Variants in CPLX2 observed in about 807,000 individuals in gnomAD.
CPLX2 encodes complexin-2.
CPLX2 carries 5 observed loss-of-function variants against 16.3 expected under a neutral mutation model. That is an observed-to-expected ratio of 0.31 (90% CI 0.16 to 0.64). The LOEUF is 0.64. Among genes scored for constraint, CPLX2 ranks in the 30% least tolerant of loss-of-function variants. CPLX2 has a pLI of 0.79. For missense variants in CPLX2, 144 were observed against 181.4 expected (o/e 0.79, Z 1.18); for synonymous variants, 89 against 73.2 (o/e 1.22, Z -1.10).
chr5:175,871,443 G>GAGAGAGAA (rs1561790390), upstream of CPLX2: 62 of 93,076 alleles, frequency 6.7e-4, 2 homozygotes, highest in African/African-American at 2.2e-3. Flanking sequence ...CAGAGAGAGA[G>GAGAGAGAA]AGAGAGAGAG....
chr5:175,825,937 CAAAAAAAAAA>C (rs35250246), intron 2 of CPLX2, among the ~76,000 whole-genome samples: 2 of 44,420 alleles, frequency 4.5e-5, no homozygotes, highest in East Asian at 7.0e-4. Flanking sequence ...TGAATAAGTG[CAAAAAAAAAA>C]AAAAAAAAAA....
At chr5:175,869,921 C>T (rs1051122104), upstream of CPLX2, among the ~76,000 whole-genome samples, 51 of 152,296 alleles carry the variant, frequency 3.3e-4, no homozygotes, top group African/African-American at 1.1e-3. Flanking sequence ...CCAATTGTAA[C>T]CAGAGTGCTG....
At chr5:175,851,681 C>T (rs1199050411) in intron 2 of CPLX2, among the ~76,000 whole-genome samples, 2 of 152,222 alleles carry the variant, frequency 1.3e-5, no homozygotes, top group Non-Finnish European at 2.9e-5. Flanking sequence ...AGTCTCAAGA[C>T]CAAGGTAGGC....
intron 2 of CPLX2, among the ~76,000 whole-genome samples, chr5:175,843,441 ATG>A (rs1191961599): frequency 8.2e-5 from 12 of 146,302 alleles, no homozygotes; most frequent in African/African-American, 3.3e-4. Context: ...CCAGGCACAC[ATG>A]TGTGCATGCT....
At chr5:175,816,360 G>T (rs1364052802) in intron 2 of CPLX2, among the ~76,000 whole-genome samples, 1 of 152,154 alleles carries the variant, frequency 6.6e-6, no homozygotes, top group East Asian at 1.9e-4. Context: ...TAGAGGCGGG[G>T]TTTCACCGTG....
intron 1 of CPLX2, 162 bp from the exon 2 acceptor site, chr5:175,878,490 C>T (rs1755465450): frequency 5.2e-6 from 3 of 581,492 alleles, no homozygotes; most frequent in Admixed American, 6.3e-5. Flanking sequence ...CCCAGTAAAT[C>T]GCTCTCTTCC....
intron 2 of CPLX2, among the ~76,000 whole-genome samples, chr5:175,846,392 C>T (rs1260029338): frequency 2.0e-5 from 3 of 152,178 alleles, no homozygotes; most frequent in Admixed American, 6.5e-5. Flanking sequence ...TGACCTTGGG[C>T]AGGTCACTTC....
intron 2 of CPLX2, among the ~76,000 whole-genome samples, chr5:175,848,366 G>C (rs1241061236): frequency 6.6e-6 from 1 of 152,234 alleles, no homozygotes; most frequent in Non-Finnish European, 1.5e-5. Flanking sequence ...GCTGAGTTTT[G>C]TGTAGGAGTA....
At chr5:175,798,622 G>A (rs1199126214) in intron 1 of CPLX2, among the ~76,000 whole-genome samples, 1 of 152,208 alleles carries the variant, frequency 6.6e-6, no homozygotes, top group African/African-American at 2.4e-5. Context: ...TCCTCAGGAT[G>A]TGGACTGAAA....
Position 175,881,195 on chromosome 5 carries a change from A to G in CPLX2, c.*1150A>G, listed in dbSNP as rs1755586655. The G allele has an allele frequency of 6.5e-6, 1 of 153,276 alleles. No homozygotes were observed. Among genetic ancestry groups the G allele is most frequent in the Non-Finnish European group, 1.5e-5 (1 of 68,182 alleles). 9.5% of individuals were successfully genotyped at this position (153,276 alleles called of 1,614,324 possible). A position where few individuals can be genotyped will look rare whatever the true frequency, so the allele number is the denominator to read the frequency against. Reference sequence around the variant, plus strand: ...TCACATGAGGGAGGAAACTGTATCCATGCATGCATGATAATGCGTGGCAGA... The same window carrying G: ...TCACATGAGGGAGGAAACTGTATCCGTGCATGCATGATAATGCGTGGCAGA... On this transcript the variant is annotated 3_prime_UTR_variant, in exon 4 of 4. Coordinates refer to ENST00000393745, the MANE Select transcript of CPLX2 (RefSeq NM_001008220.2).
intron 2 of CPLX2, among the ~76,000 whole-genome samples, chr5:175,822,542 G>A (rs1758533233): frequency 6.6e-6 from 1 of 152,228 alleles, no homozygotes; most frequent in Non-Finnish European, 1.5e-5. Context: ...ACTCAAGATG[G>A]CCTGAAGGGA....
intron 2 of CPLX2, among the ~76,000 whole-genome samples, chr5:175,837,235 G>A (rs1217093989): frequency 6.6e-6 from 1 of 152,184 alleles, no homozygotes; most frequent in African/African-American, 2.4e-5. Flanking sequence ...TAGCTCTGAA[G>A]AAAGGCCTCG....
intron 1 of CPLX2, among the ~76,000 whole-genome samples, chr5:175,800,641 G>A (rs1477530820): frequency 1.3e-5 from 2 of 152,166 alleles, no homozygotes; most frequent in Non-Finnish European, 2.9e-5. Flanking sequence ...GGGCCTAGCT[G>A]AACTGCAATA....
intron 2 of CPLX2, among the ~76,000 whole-genome samples, chr5:175,833,565 G>C (rs1254455309): frequency 1.3e-5 from 2 of 151,864 alleles, no homozygotes; most frequent in Non-Finnish European, 2.9e-5. Flanking sequence ...AAATGGAAAT[G>C]GGGGGGCCTG....
At chr5:175,871,458 A>AGGGAGAGAGAGACAGAGAGG (rs1554122146), upstream of CPLX2, 2 of 79,904 alleles carry the variant, frequency 2.5e-5, 1 homozygote, top group Non-Finnish European at 5.6e-5. Flanking sequence ...AGAGAGAGAG[A>AGGGAGAGAGAGACAGAGAGG]GAGAGAGAGA....
chr5:175,833,773 G>A (rs1281032930), intron 2 of CPLX2, among the ~76,000 whole-genome samples: 2 of 152,118 alleles, frequency 1.3e-5, no homozygotes, highest in African/African-American at 2.4e-5. Flanking sequence ...GACTCTCTCC[G>A]CCCCTTCCTG....
intron 2 of CPLX2, among the ~76,000 whole-genome samples, chr5:175,850,043 C>T (rs984788787): frequency 6.6e-6 from 1 of 152,202 alleles, no homozygotes; most frequent in South Asian, 2.1e-4. Context: ...GTCTGTGCAG[C>T]GGGCCACACC....
chr5:175,850,244 C>T (rs1281742250), intron 2 of CPLX2, among the ~76,000 whole-genome samples: 1 of 152,040 alleles, frequency 6.6e-6, no homozygotes, highest in African/African-American at 2.4e-5. Flanking sequence ...AGATATGGGG[C>T]CCTGGGGTCT....
chr5:175,860,443 AAAGAAAGAG>A (rs1353872592), intron 2 of CPLX2, among the ~76,000 whole-genome samples: 5 of 127,576 alleles, frequency 3.9e-5, no homozygotes, highest in African/African-American at 1.8e-4. Context: ...GAAGAAAGAG[AAAGAAAGAG>A]AGAGAAAGAA....
Sources: allele counts gnomAD v4.1 joint callset (sites outside exome capture counted in the v4.1 genomes callset), GRCh38; gene constraint gnomAD v4.1.1; transcripts MANE v1.5; gene names NCBI Gene and HGNC (gene_info 2026-07-23, HGNC 2026-07-21).